Variants in CCDC73 observed in about 807,000 individuals in gnomAD.
CCDC73 encodes coiled-coil domain-containing protein 73.
In CCDC73, 95 loss-of-function variants were observed where a neutral mutation model predicts 116.5. The observed-to-expected ratio is 0.82, with a 90% CI of 0.69 to 0.97. The LOEUF (loss-of-function observed/expected upper bound fraction) is 0.97, where lower values mean the gene tolerates loss of function less well. CCDC73 is among the 50% of genes least tolerant of loss of function. The pLI, the probability that CCDC73 is intolerant of heterozygous loss-of-function variation, is 0.00. For missense variants in CCDC73, 1,066 were observed against 1,206.8 expected (o/e 0.88, Z 1.73); for synonymous variants, 398 against 401.3 (o/e 0.99, Z 0.10).
intron 14 of CCDC73, among the ~76,000 whole-genome samples, chr11:32,634,139 C>T (rs1314526757): frequency 6.6e-6 from 1 of 152,028 alleles, no homozygotes; most frequent in Non-Finnish European, 1.5e-5. Context: ...CAACTCTATA[C>T]ATTGAAAGGA....
intron 12 of CCDC73, among the ~76,000 whole-genome samples, chr11:32,643,304 C>T (rs1269636579): frequency 6.6e-6 from 1 of 151,978 alleles, no homozygotes; most frequent in Non-Finnish European, 1.5e-5. Context: ...TTTTGATTGC[C>T]TCTGTTTCAG....
At chr11:32,708,515 T>G (rs576055863) in intron 3 of CCDC73, among the ~76,000 whole-genome samples, 1 of 152,358 alleles carries the variant, frequency 6.6e-6, no homozygotes, top group African/African-American at 2.4e-5. Flanking sequence ...TTTCACAATA[T>G]TGATTCTAGT....
chr11:32,742,747 T>C (rs1459540877), intron 2 of CCDC73, among the ~76,000 whole-genome samples: 1 of 152,232 alleles, frequency 6.6e-6, no homozygotes, highest in Non-Finnish European at 1.5e-5. Context: ...ATGTCCTGAA[T>C]GGTATTGCCC....
chr11:32,739,253 G>T (rs1590623321), intron 2 of CCDC73, among the ~76,000 whole-genome samples: 1 of 151,840 alleles, frequency 6.6e-6, no homozygotes, highest in Non-Finnish European at 1.5e-5. Context: ...ATTTTCATTG[G>T]CATTGCTTTA....
At chr11:32,620,184 A>G (rs1855511089) in intron 14 of CCDC73, among the ~76,000 whole-genome samples, 1 of 152,052 alleles carries the variant, frequency 6.6e-6, no homozygotes, top group South Asian at 2.1e-4. Flanking sequence ...TGAAGCCTTA[A>G]TTGTTGCTGG....
At chr11:32,754,670 T>C (rs1031118767) in intron 2 of CCDC73, among the ~76,000 whole-genome samples, 1 of 152,042 alleles carries the variant, frequency 6.6e-6, no homozygotes, top group East Asian at 1.9e-4. Context: ...AACTTCTAAA[T>C]AGCAGCAAAA....
At chr11:32,718,904 C>A (rs570887388) in intron 2 of CCDC73, among the ~76,000 whole-genome samples, 32 of 152,190 alleles carry the variant, frequency 2.1e-4, no homozygotes, top group African/African-American at 7.2e-4. Context: ...AAGGAGGGAC[C>A]AAACACTCAT....
intron 2 of CCDC73, among the ~76,000 whole-genome samples, chr11:32,738,117 G>C (rs1463904650): frequency 6.6e-6 from 1 of 152,082 alleles, no homozygotes; most frequent in African/African-American, 2.4e-5. Context: ...CAGACACTTA[G>C]GTTGCTTCAA....
chr11:32,703,045 T>C, intron 3 of CCDC73, 101 bp from the exon 4 acceptor site: 1 of 791,644 alleles, frequency 1.3e-6, no homozygotes, highest in Non-Finnish European at 2.2e-6. Context: ...CCATACCTTC[T>C]ACATATATTA....
chr11:32,630,526 A>G (rs990790737), intron 14 of CCDC73, among the ~76,000 whole-genome samples: 16 of 152,118 alleles, frequency 1.1e-4, no homozygotes, highest in African/African-American at 3.6e-4. Flanking sequence ...GCATTTTGGT[A>G]GAGATGGGGT....
At chr11:32,739,508 G>A (rs987125504) in intron 2 of CCDC73, among the ~76,000 whole-genome samples, 3 of 151,960 alleles carry the variant, frequency 2.0e-5, no homozygotes, top group Non-Finnish European at 4.4e-5. Flanking sequence ...GCTTGCTGTT[G>A]GCATATGGAA....
At chr11:32,730,027 C>G (rs1431432531) in intron 2 of CCDC73, among the ~76,000 whole-genome samples, 1 of 152,208 alleles carries the variant, frequency 6.6e-6, no homozygotes, top group Non-Finnish European at 1.5e-5. Flanking sequence ...ACTCTGCTCA[C>G]TGAAGTTTAT....
chr11:32,742,770 A>T (rs1234645215), intron 2 of CCDC73, among the ~76,000 whole-genome samples: 2 of 152,154 alleles, frequency 1.3e-5, no homozygotes, highest in Non-Finnish European at 2.9e-5. Flanking sequence ...GTTTTCTTCC[A>T]GGATTTTTAT....
intron 3 of CCDC73, among the ~76,000 whole-genome samples, chr11:32,715,954 A>G (rs906522862): frequency 6.6e-6 from 1 of 151,930 alleles, no homozygotes; most frequent in Non-Finnish European, 1.5e-5. Context: ...AATTTGCCCA[A>G]TCCCCATCAA....
At chr11:32,776,578 G>A (rs977559486) in intron 1 of CCDC73, among the ~76,000 whole-genome samples, 1 of 151,788 alleles carries the variant, frequency 6.6e-6, no homozygotes, top group Admixed American at 6.6e-5. Context: ...CATCTTTTAT[G>A]CCCATTTCAA....
intron 9 of CCDC73, among the ~76,000 whole-genome samples, chr11:32,665,794 T>C (rs1855975577): frequency 6.6e-6 from 1 of 152,208 alleles, no homozygotes; most frequent in South Asian, 2.1e-4. Flanking sequence ...CGGTGGCTGG[T>C]ACTGGTTGTT....
the CCDC73 span, among the ~76,000 whole-genome samples, chr11:32,804,295 C>T: frequency 0.049 from 7,449 of 152,220 alleles, 200 homozygotes; most frequent in African/African-American, 0.068. Flanking sequence ...CACACCACAA[C>T]GCTCCGCTAA....
chr11:32,767,623 A>G (rs918673606), intron 1 of CCDC73, among the ~76,000 whole-genome samples: 3 of 152,248 alleles, frequency 2.0e-5, no homozygotes, highest in Admixed American at 6.5e-5. Context: ...ACAAATTTAC[A>G]AGAAAAAAAC....
chr11:32,690,292 CTG>C (rs1429497945), intron 6 of CCDC73, among the ~76,000 whole-genome samples: 1 of 152,020 alleles, frequency 6.6e-6, no homozygotes, highest in East Asian at 1.9e-4. Flanking sequence ...AGCTGTAGGA[CTG>C]AGAATGATTT....
Sources: gnomAD v4.1 joint callset for allele counts (sites outside exome capture counted in the v4.1 genomes callset) on GRCh38, gnomAD v4.1.1 for gene constraint, MANE v1.5 for transcripts, NCBI Gene and HGNC (gene_info 2026-07-23, HGNC 2026-07-21) for gene names.